Variants in DPH7 observed in about 807,000 individuals in gnomAD.
DPH7 encodes the protein diphthine methyltransferase.
In DPH7, 44 loss-of-function variants were observed where a neutral mutation model predicts 41.7. The ratio of observed to expected loss-of-function variants is 1.05; its 90% confidence interval spans 0.83 to 1.36. The LOEUF (loss-of-function observed/expected upper bound fraction) is 1.36, where lower values mean the gene tolerates loss of function less well. DPH7 is among the 40% of genes most tolerant of loss of function. DPH7 has a pLI of 0.00. For missense variants in DPH7, 629 were observed against 577.5 expected (o/e 1.09, Z -0.91); for synonymous variants, 275 against 238.0 (o/e 1.16, Z -1.43).
intron 5 of DPH7, among the ~76,000 whole-genome samples, chr9:137,572,556 C>T (rs1328681002): frequency 2.0e-5 from 3 of 152,286 alleles, no homozygotes; most frequent in Non-Finnish European, 1.5e-5. Flanking sequence ...GACAGTGGCC[C>T]GGATGGGTAG....
intron 3 of DPH7, chr9:137,575,667 A>C (rs863701): frequency 9.7e-7 from 1 of 1,031,978 alleles, no homozygotes; most frequent in African/African-American, 1.7e-5. Flanking sequence ...GCATGGCTCC[A>C]GAGCACTGTG....
rs1841628964 is a variant in DPH7 at position 137,577,543 on chromosome 9, T to C, written c.214A>G (p.Asn72Asp). The stretch of plus-strand genomic sequence containing the variant: ...AGAGGGTGAATAGAGTTGTTGTCAT[T>C]GAAACTGTACAGGAAGAGACGGCCT... The part of the protein sequence containing the change: ...RLGRLFLYSF[N>D]DNNSIHPLVE... The change falls in exon 2 of 9, where the codon AAT becomes GAT. Residue 72 changes from asparagine to aspartate, a missense_variant. Transcript: ENST00000277540. 3 of 1,614,052 alleles carry C rather than the reference T, an allele frequency of 1.9e-6. No homozygotes were observed. Among genetic ancestry groups the C allele is most frequent in the Non-Finnish European group, 1.7e-6 (2 of 1,179,978 alleles).
chr9:137,562,394 G>A (rs1220821451), intron 8 of DPH7, among the ~76,000 whole-genome samples: 2 of 151,986 alleles, frequency 1.3e-5, no homozygotes, highest in African/African-American at 2.4e-5. Flanking sequence ...ATTAGAAATC[G>A]GTAACAGAAA....
chr9:137,572,967 G>A lies in DPH7; in HGVS notation c.640+1241C>T, dbSNP rs1173900327. On this transcript the variant is annotated intron_variant, in intron 5 of 8. Coordinates refer to ENST00000277540, the MANE Select transcript of DPH7 (RefSeq NM_138778.5). ...AGGATCTGACACCGAGCATATCAGG[G>A]AGGCAGGATGGCTCTGCCCACAGGT... Among the ~76,000 whole-genome samples, 8 of 152,200 alleles carry A rather than the reference G, an allele frequency of 5.3e-5. No individual in the cohort carries two copies. In the South Asian group the frequency reaches 6.2e-4, roughly 12 times the overall value.
At chr9:137,570,271 G>C (rs77236166) in intron 5 of DPH7, among the ~76,000 whole-genome samples, 5,434 of 152,300 alleles carry the variant, frequency 0.036, 310 homozygotes, top group African/African-American at 0.12. Context: ...CATGAAGCCT[G>C]CAGATGAGCC....
chr9:137,572,481 G>A (rs1026245748), intron 5 of DPH7, among the ~76,000 whole-genome samples: 1 of 152,228 alleles, frequency 6.6e-6, no homozygotes, highest in Non-Finnish European at 1.5e-5. Context: ...ACTGTGTGGA[G>A]ACTGGAACAG....
At chr9:137,570,489 A>G (rs899213591) in intron 5 of DPH7, among the ~76,000 whole-genome samples, 15 of 152,156 alleles carry the variant, frequency 9.9e-5, no homozygotes, top group Non-Finnish European at 4.4e-5. Flanking sequence ...CACCTGCCCA[A>G]TGTCAAGTCT....
intron 4 of DPH7, 183 bp from the exon 5 acceptor site, chr9:137,574,563 T>C (rs1314073753): frequency 1.2e-6 from 1 of 835,458 alleles, no homozygotes; most frequent in African/African-American, 1.7e-5. Context: ...TCGACTTCTC[T>C]AGGTAAAAAC....
At chr9:137,577,654 C>T (rs1841658444) in intron 1 of DPH7, 51 bp from the exon 2 acceptor site, 1 of 1,594,144 alleles carries the variant, frequency 6.3e-7, no homozygotes, top group Admixed American at 1.7e-5. Flanking sequence ...ACGAAGGAAC[C>T]CAAAGGATGG....
At chr9:137,563,646 G>A (rs978400312) in intron 8 of DPH7, among the ~76,000 whole-genome samples, 8 of 152,176 alleles carry the variant, frequency 5.3e-5, no homozygotes, top group East Asian at 1.9e-4. Flanking sequence ...GTCACCCACC[G>A]CTGCAGAGGG....
intron 8 of DPH7, among the ~76,000 whole-genome samples, chr9:137,559,338 AGGCGGACCATGGTCTAGC>A (rs1838103210): frequency 6.6e-6 from 1 of 152,226 alleles, no homozygotes; most frequent in Non-Finnish European, 1.5e-5. Context: ...GCCCGTTGCC[AGGCGGACCATGGTCTAGC>A]GGTAGCGAAA....
At chr9:137,560,947 G>A (rs908398353) in intron 8 of DPH7, among the ~76,000 whole-genome samples, 125 of 150,642 alleles carry the variant, frequency 8.3e-4, no homozygotes, top group African/African-American at 2.9e-3. Context: ...GCTTGAACCC[G>A]GGAGGTGGAG....
intron 7 of DPH7, 41 bp downstream of exon 7, chr9:137,564,852 G>A (rs368029528): frequency 5.9e-5 from 93 of 1,568,832 alleles, no homozygotes; most frequent in Middle Eastern, 5.8e-4. Context: ...CGGGGACAGC[G>A]AAAGAGACGA....
intron 8 of DPH7, among the ~76,000 whole-genome samples, chr9:137,561,542 C>CCAA: frequency 1.9e-5 from 1 of 52,256 alleles, no homozygotes; most frequent in South Asian, 9.5e-4. Context: ...GACTCCATCT[C>CCAA]AAAAAAAAAA....
At chr9:137,576,252 C>T in intron 2 of DPH7, 85 bp from the exon 3 acceptor site, 1 of 1,233,980 alleles carries the variant, frequency 8.1e-7, no homozygotes, top group Non-Finnish European at 1.2e-6. Context: ...AGTCACGCTT[C>T]CCTTAACAAC....
At chr9:137,564,629 G>C (rs1205755603) in intron 7 of DPH7, 23 bp from the exon 8 acceptor site, 2 of 1,600,046 alleles carry the variant, frequency 1.2e-6, no homozygotes, top group Non-Finnish European at 1.7e-6. Context: ...AACCACAGGA[G>C]GCATATAAGG....
intron 2 of DPH7, 57 bp from the exon 3 acceptor site, chr9:137,576,224 G>A: frequency 6.7e-7 from 1 of 1,490,006 alleles, no homozygotes; most frequent in Non-Finnish European, 9.3e-7. Flanking sequence ...GGCGTGCACT[G>A]TGCGTCCCGG....
chr9:137,572,253 C>G (rs769418056), intron 5 of DPH7, among the ~76,000 whole-genome samples: 4 of 152,144 alleles, frequency 2.6e-5, no homozygotes, highest in Non-Finnish European at 5.9e-5. Context: ...TGACGAAACC[C>G]TGAGACTGAG....
chr9:137,555,538 A>G lies in DPH7; in HGVS notation c.1060T>C (p.Trp354Arg), dbSNP rs757710570. 3.7e-6 allele frequency: 6 copies of G among 1,614,044 alleles called. No individual in the cohort carries two copies. In the South Asian group the frequency reaches 6.6e-5, roughly 18 times the overall value. The change falls in exon 9 of 9, where the codon TGG (tryptophan) becomes CGG (arginine). Residue 354 changes from tryptophan (W) to arginine (R), a missense_variant. By Grantham distance (101) the Trp-to-Arg change is moderately radical. Coordinates refer to ENST00000277540, the MANE Select transcript of DPH7 (RefSeq NM_138778.5). ...LFRSLQRAPS[W>R]SFPSNLGTKT... ...GTTCCTAGGTTGCTAGGAAAGGACC[A>G]CGAGGGGGCCCGCTGCAGAGAACGG...
Sources: allele counts gnomAD v4.1 joint callset (sites outside exome capture counted in the v4.1 genomes callset), GRCh38; gene constraint gnomAD v4.1.1; transcripts MANE v1.5; gene names NCBI Gene and HGNC (gene_info 2026-07-23, HGNC 2026-07-21).